SSUH2: variants seen among roughly 807,000 people sequenced by gnomAD.
SSUH2 encodes the protein protein SSUH2 homolog.
SSUH2 carries 47 observed loss-of-function variants against 55.3 expected under a neutral mutation model. That is an observed-to-expected ratio of 0.85 (90% CI 0.67 to 1.08). The LOEUF is 1.08. SSUH2 is among the 50% of genes least tolerant of loss of function. The pLI is 0.00. For missense variants in SSUH2, 535 were observed against 490.7 expected (o/e 1.09, Z -0.85); for synonymous variants, 212 against 191.5 (o/e 1.11, Z -0.89).
chr3:8,675,249 G>A (rs1705104286), intron 3 of SSUH2, among the ~76,000 whole-genome samples: 1 of 152,226 alleles, frequency 6.6e-6, no homozygotes. Flanking sequence ...GGCAGAAGCT[G>A]TTTGCCTTTC....
intron 3 of SSUH2, among the ~76,000 whole-genome samples, chr3:8,674,056 G>A (rs1407113734): frequency 6.6e-6 from 1 of 152,210 alleles, no homozygotes; most frequent in Non-Finnish European, 1.5e-5. Context: ...GGCTTGCAGG[G>A]ATGAATACAT....
upstream of SSUH2, chr3:8,644,814 T>G: frequency 6.7e-7 from 1 of 1,497,882 alleles, no homozygotes; most frequent in African/African-American, 1.4e-5. Context: ...TGGACCGATG[T>G]GCTCTGATGG....
intron 1 of SSUH2, among the ~76,000 whole-genome samples, chr3:8,641,418 A>G (rs1203347091): frequency 1.3e-5 from 2 of 152,216 alleles, no homozygotes; most frequent in Admixed American, 6.5e-5. Flanking sequence ...CCCTAAAAGC[A>G]GGGCTCAGGG....
chr3:8,631,041 C>T (rs1698668900), intron 5 of SSUH2, 112 bp from the exon 6 acceptor site: 1 of 1,147,040 alleles, frequency 8.7e-7, no homozygotes, highest in Non-Finnish European at 1.1e-6. Flanking sequence ...GAGTCTAGAT[C>T]CTGGGGCTAC....
upstream of SSUH2, among the ~76,000 whole-genome samples, chr3:8,645,082 C>T (rs768231126): frequency 1.3e-5 from 2 of 152,114 alleles, no homozygotes; most frequent in Non-Finnish European, 2.9e-5. Context: ...AGATTCAAAC[C>T]CTCATCAGTC....
chr3:8,654,872 C>T (rs1025211736), intron 7 of SSUH2, among the ~76,000 whole-genome samples: 1 of 151,216 alleles, frequency 6.6e-6, no homozygotes, highest in African/African-American at 2.4e-5. Context: ...CAGTGTGTGG[C>T]CTCTCCAAGA....
chr3:8,644,101 T>C (rs1016481271), intron 1 of SSUH2, among the ~76,000 whole-genome samples: 31 of 152,196 alleles, frequency 2.0e-4, no homozygotes, highest in African/African-American at 5.8e-4. Flanking sequence ...ATTTCCTTCA[T>C]GTTTTTAAAT....
At chr3:8,647,571 T>G (rs1223954535), upstream of SSUH2, among the ~76,000 whole-genome samples, 1 of 152,178 alleles carries the variant, frequency 6.6e-6, no homozygotes, top group Non-Finnish European at 1.5e-5. Context: ...GGCAGAACCT[T>G]GAACAGTGCC....
intron 10 of SSUH2, among the ~76,000 whole-genome samples, chr3:8,624,661 T>G (rs1250944644): frequency 2.0e-5 from 3 of 152,190 alleles, no homozygotes; most frequent in Non-Finnish European, 4.4e-5. Context: ...GACTATGTAG[T>G]CTGTCATTAT....
chr3:8,623,670 A>G lies in SSUH2; in HGVS notation c.874-14T>C, dbSNP rs1273956688. On this transcript the variant is annotated splice_polypyrimidine_tract_variant and intron_variant, in intron 10 of 11. Transcript: ENST00000544814. Reference sequence around the variant, plus strand: ...GATGGGGTACACCTGGGGGAAAGAGAGAGAGACACAGACCACCTGGCTGCC... The same window carrying G: ...GATGGGGTACACCTGGGGGAAAGAGGGAGAGACACAGACCACCTGGCTGCC... 1.4e-6 allele frequency: 2 copies of G among 1,393,160 alleles called. No individual in the cohort carries two copies. The highest frequency in any genetic ancestry group is 2.0e-6 in the Non-Finnish European group (2 of 1,016,016). The allele number at this position is 1,393,160 out of a possible 1,614,324, so 86.3% of individuals were successfully genotyped here. A position where few individuals can be genotyped will look rare whatever the true frequency, so the allele number is the denominator to read the frequency against.
intron 2 of SSUH2, among the ~76,000 whole-genome samples, chr3:8,678,001 CAG>C (rs1705549872): frequency 1.3e-5 from 2 of 150,608 alleles, no homozygotes; most frequent in African/African-American, 2.4e-5. Context: ...AACAGTATAA[CAG>C]GGGTTTTTCT....
chr3:8,662,410 C>T (rs755246876), intron 6 of SSUH2, among the ~76,000 whole-genome samples: 1 of 152,188 alleles, frequency 6.6e-6, no homozygotes, highest in Non-Finnish European at 1.5e-5. Flanking sequence ...GGTCTCCCTC[C>T]CAGTGAATGG....
At chr3:8,680,834 G>A (rs438473) in intron 1 of SSUH2, among the ~76,000 whole-genome samples, 46,238 of 151,878 alleles carry the variant, frequency 0.3, 7,155 homozygotes, top group African/African-American at 0.34. Context: ...TGTACACCTC[G>A]TTCTCTATTA....
intron 7 of SSUH2, among the ~76,000 whole-genome samples, chr3:8,654,626 G>C (rs1276026073): frequency 6.6e-6 from 1 of 152,152 alleles, no homozygotes; most frequent in Admixed American, 6.5e-5. Context: ...GACAGATGCC[G>C]GAGCTCCAGG....
chr3:8,659,667 C>T (rs567039470), intron 6 of SSUH2: 14 of 422,268 alleles, frequency 3.3e-5, no homozygotes, highest in African/African-American at 2.2e-4. Context: ...GACCCAAACC[C>T]TCAATGGGCA....
chr3:8,650,901 T>C (rs1442868391), intron 7 of SSUH2, among the ~76,000 whole-genome samples: 1 of 152,238 alleles, frequency 6.6e-6, no homozygotes, highest in Non-Finnish European at 1.5e-5. Flanking sequence ...TTCCGGCTGC[T>C]GTCCTCACTG....
intron 7 of SSUH2, among the ~76,000 whole-genome samples, chr3:8,656,929 G>A (rs900614930): frequency 5.3e-5 from 8 of 152,148 alleles, no homozygotes; most frequent in African/African-American, 1.9e-4. Context: ...CACCCAGGCT[G>A]GAGTGCAGTA....
At chr3:8,675,131 C>T (rs753762892) in intron 3 of SSUH2, among the ~76,000 whole-genome samples, 6 of 152,200 alleles carry the variant, frequency 3.9e-5, no homozygotes, top group Admixed American at 1.3e-4. Flanking sequence ...TTACATCCAA[C>T]AGTACCTAAC....
chr3:8,644,682 TA>T, intron 1 of SSUH2, 48 bp downstream of exon 1: 1 of 1,514,938 alleles, frequency 6.6e-7, no homozygotes, highest in Non-Finnish European at 8.9e-7. Flanking sequence ...AAATGCAGGC[TA>T]AAATATCTCC....
Sources: allele counts gnomAD v4.1 joint callset (sites outside exome capture counted in the v4.1 genomes callset), GRCh38; gene constraint gnomAD v4.1.1; transcripts MANE v1.5; gene names NCBI Gene and HGNC (gene_info 2026-07-23, HGNC 2026-07-21).